Variants in OGDH observed in about 807,000 individuals in gnomAD.
The protein encoded by OGDH is 2-oxoglutarate dehydrogenase complex component E1.
Under a neutral mutation model 116.6 loss-of-function variants are expected in OGDH, and 38 were observed. That is an observed-to-expected ratio of 0.33 (90% CI 0.25 to 0.43). The LOEUF is 0.43. Ranked by LOEUF, OGDH falls within the 20% of genes least tolerant of loss-of-function variation. The probability of loss-of-function intolerance (pLI) is 1.00; values close to 1 mark genes in which losing one functional copy is unlikely to be tolerated. For synonymous variants in OGDH, 488 were observed against 533.3 expected, an observed-to-expected ratio of 0.92 and a Z score of 1.17; for missense variants, 825 against 1,357.2, an observed-to-expected ratio of 0.61 and a Z score of 6.16.
At chr7:44,644,520 A>G (rs1317821319) in intron 2 of OGDH, among the ~76,000 whole-genome samples, 1 of 152,236 alleles carries the variant, frequency 6.6e-6, no homozygotes, top group Admixed American at 6.5e-5. Context: ...TCTTTACAGC[A>G]TACCTATGAA....
At chr7:44,679,130 G>A (rs1585349928) in intron 9 of OGDH, among the ~76,000 whole-genome samples, 1 of 152,198 alleles carries the variant, frequency 6.6e-6, no homozygotes, top group Admixed American at 6.5e-5. Flanking sequence ...TGGCATGGTA[G>A]TCGCAGTACA....
chr7:44,708,005 G>A lies in OGDH; in HGVS notation c.*6G>A. ...TCTTCAAGAACTTCTCGTAGATGCTGCCTAGGGTTGCTTGGGCCACTGCCC... is the reference window on the plus strand; with the variant it reads ...TCTTCAAGAACTTCTCGTAGATGCTACCTAGGGTTGCTTGGGCCACTGCCC... On this transcript the variant is annotated 3_prime_UTR_variant, in exon 23 of 23. Transcript: ENST00000222673. The A allele has an allele frequency of 6.2e-7, 1 of 1,610,950 alleles. No homozygotes were observed. The highest frequency in any genetic ancestry group is 1.1e-5 in the South Asian group (1 of 91,006).
At chr7:44,627,160 C>G (rs1165349552) in intron 2 of OGDH, among the ~76,000 whole-genome samples, 1 of 152,294 alleles carries the variant, frequency 6.6e-6, no homozygotes, top group Non-Finnish European at 1.5e-5. Flanking sequence ...CCACGCCCGG[C>G]TAATTTTTGT....
chr7:44,627,480 T>C (rs1047696685), intron 2 of OGDH, among the ~76,000 whole-genome samples: 3 of 152,240 alleles, frequency 2.0e-5, no homozygotes, highest in African/African-American at 4.8e-5. Flanking sequence ...TTAGAAGTGC[T>C]GTAGGATTTA....
At chr7:44,607,510 C>G (rs1784399852) in intron 1 of OGDH, among the ~76,000 whole-genome samples, 1 of 152,184 alleles carries the variant, frequency 6.6e-6, no homozygotes, top group South Asian at 2.1e-4. Context: ...TCCAGGTACA[C>G]TGCTCTGAAC....
chr7:44,630,640 T>C (rs1489933555), intron 2 of OGDH, among the ~76,000 whole-genome samples: 1 of 152,230 alleles, frequency 6.6e-6, no homozygotes, highest in Non-Finnish European at 1.5e-5. Context: ...ATGTCCCTTG[T>C]ATAAAATGAA....
chr7:44,645,622 T>A, intron 3 of OGDH, 104 bp downstream of exon 3: 1 of 1,069,312 alleles, frequency 9.4e-7, no homozygotes, highest in Non-Finnish European at 1.3e-6. Flanking sequence ...TCACTTTACT[T>A]ATACCTCCTC....
At chr7:44,698,384 C>A (rs1222100083) in intron 18 of OGDH, 121 bp downstream of exon 18, 1 of 1,024,760 alleles carries the variant, frequency 9.8e-7, no homozygotes, top group East Asian at 2.5e-5. Flanking sequence ...CTTTCTCCAT[C>A]CTGGGGAGCT....
intron 18 of OGDH, among the ~76,000 whole-genome samples, chr7:44,699,844 GC>G (rs1788750652): frequency 6.6e-6 from 1 of 152,174 alleles, no homozygotes; most frequent in African/African-American, 2.4e-5. Context: ...AAGTGGGAGA[GC>G]AGGCATGTCA....
At position 44,707,534 on chromosome 7, in the gene OGDH, C is replaced by A; in HGVS notation, c.2797-48C>A. 6.2e-7 allele frequency: 1 copy of A among 1,608,164 alleles called. No individual in the cohort carries two copies. Among genetic ancestry groups the A allele is most frequent in the African/African-American group, 1.3e-5 (1 of 74,916 alleles). ...CCAGTTTCCCTTTGCTGGATCTTGCCTGCCCTCTGAGTTTCCTCTTTTTGA... is the reference window on the plus strand; with the variant it reads ...CCAGTTTCCCTTTGCTGGATCTTGCATGCCCTCTGAGTTTCCTCTTTTTGA... On this transcript the variant is annotated intron_variant, in intron 21 of 22. Coordinates refer to ENST00000222673, the MANE Select transcript of OGDH (RefSeq NM_002541.4). This position sits in a 1 kb window ranked among gnomAD's most constrained non-coding sequence, Gnocchi z 5.2.
intron 3 of OGDH, among the ~76,000 whole-genome samples, chr7:44,646,810 A>G (rs554244165): frequency 5.3e-5 from 8 of 152,228 alleles, no homozygotes; most frequent in Non-Finnish European, 1.2e-4. Context: ...CAGCAGCAGC[A>G]GGACCAGAGC....
chr7:44,684,131 G>A (rs984014070), intron 10 of OGDH, among the ~76,000 whole-genome samples: 1 of 152,172 alleles, frequency 6.6e-6, no homozygotes, highest in African/African-American at 2.4e-5. Flanking sequence ...AGTCAGGAGA[G>A]AGGTCCTAGT....
chr7:44,642,209 AG>A (rs1785974179), intron 2 of OGDH, among the ~76,000 whole-genome samples: 1 of 152,188 alleles, frequency 6.6e-6, no homozygotes, highest in South Asian at 2.1e-4. Context: ...TGAGCTCAGA[AG>A]TTCAAGAACA....
rs1562685948 is a variant in OGDH at position 44,697,571 on chromosome 7, G to GA, written c.2180-32dup. The GA allele has an allele frequency of 2.5e-6, 4 of 1,614,046 alleles. No homozygotes were observed. The South Asian group carries it at 4.4e-5, about 18-fold the overall frequency. ...GCTGGGCCTACTGGCTGGTGTCCTGGACATGGTTTTCTCCTTCCTTTGTCC... is the reference window on the plus strand; with the variant it reads ...GCTGGGCCTACTGGCTGGTGTCCTGGAACATGGTTTTCTCCTTCCTTTGTCC... On this transcript the variant is annotated intron_variant, in intron 16 of 22. Coordinates refer to ENST00000222673, the MANE Select transcript of OGDH (RefSeq NM_002541.4). This position sits in a 1 kb window ranked among gnomAD's most constrained non-coding sequence, Gnocchi z 6.0.
intron 10 of OGDH, among the ~76,000 whole-genome samples, chr7:44,682,361 G>A (rs1156600108): frequency 6.7e-6 from 1 of 149,998 alleles, no homozygotes; most frequent in Admixed American, 6.7e-5. Context: ...TTCCAGCCTG[G>A]ACAACAAGAG....
Position 44,694,606 on chromosome 7 carries a change from C to T in OGDH, c.1668+30C>T. The T allele has an allele frequency of 6.2e-7, 1 of 1,609,024 alleles. No individual in the cohort carries two copies. The highest frequency in any genetic ancestry group is 2.2e-5 in the East Asian group (1 of 44,720). The stretch of plus-strand genomic sequence containing the variant: ...GTCCCTGCGGCTCTATCCCAGTGCG[C>T]CTTTCCAGGGCTGGCGATGACTAGA... On this transcript the variant is annotated intron_variant, in intron 12 of 22. Coordinates refer to ENST00000222673, the MANE Select transcript of OGDH (RefSeq NM_002541.4). The surrounding 1 kb of genome is among the most constrained non-coding windows in gnomAD (Gnocchi z 4.2).
chr7:44,691,748 C>T (rs1412636069), intron 10 of OGDH, among the ~76,000 whole-genome samples: 2 of 151,344 alleles, frequency 1.3e-5, no homozygotes, highest in African/African-American at 4.9e-5. Flanking sequence ...GAGGCCGAGG[C>T]GGGGGATCAC....
At chr7:44,647,315 A>T (rs1333620622) in intron 3 of OGDH, 1 of 624,124 alleles carries the variant, frequency 1.6e-6, no homozygotes, top group Admixed American at 3.0e-5. Flanking sequence ...TTTAAAAACT[A>T]ATTTTGTCGT....
intron 20 of OGDH, among the ~76,000 whole-genome samples, chr7:44,704,016 C>A (rs1788957295): frequency 6.6e-6 from 1 of 152,212 alleles, no homozygotes; most frequent in Admixed American, 6.5e-5. Flanking sequence ...CTGCTATGAA[C>A]ATTGGTGTAC....
Sources: allele counts gnomAD v4.1 joint callset (sites outside exome capture counted in the v4.1 genomes callset), GRCh38; gene constraint gnomAD v4.1.1; non-coding constraint Gnocchi (gnomAD v3.1); transcripts MANE v1.5; gene names NCBI Gene and HGNC (gene_info 2026-07-23, HGNC 2026-07-21).